Variants in FSTL5 observed in about 807,000 individuals in gnomAD.
FSTL5 encodes the protein follistatin-related protein 5.
FSTL5 carries 62 observed loss-of-function variants against 89.1 expected under a neutral mutation model. That is an observed-to-expected ratio of 0.70 (90% CI 0.57 to 0.86). The LOEUF is 0.86. FSTL5 is among the 40% of genes least tolerant of loss of function. The probability of loss-of-function intolerance (pLI) is 0.00; values close to 1 mark genes in which losing one functional copy is unlikely to be tolerated. For missense variants in FSTL5, 1,057 were observed against 1,001.6 expected (o/e 1.06, Z -0.75); for synonymous variants, 383 against 346.2 (o/e 1.11, Z -1.18).
At chr4:161,926,581 C>G (rs1273975054) in intron 3 of FSTL5, among the ~76,000 whole-genome samples, 1 of 151,658 alleles carries the variant, frequency 6.6e-6, no homozygotes, top group African/African-American at 2.4e-5. Context: ...GATTTGAGAT[C>G]AGTACCTAAT....
At chr4:162,004,546 G>A (rs1189236792) in intron 3 of FSTL5, among the ~76,000 whole-genome samples, 1 of 151,978 alleles carries the variant, frequency 6.6e-6, no homozygotes, top group Non-Finnish European at 1.5e-5. Flanking sequence ...GGTTATAACT[G>A]GCCACACCTC....
intron 4 of FSTL5, among the ~76,000 whole-genome samples, chr4:161,805,435 G>C (rs1463617039): frequency 6.6e-6 from 1 of 152,072 alleles, no homozygotes; most frequent in Non-Finnish European, 1.5e-5. Flanking sequence ...GAGGAGAATG[G>C]TATGGTAATA....
At chr4:162,108,764 T>A (rs1731325493) in intron 2 of FSTL5, among the ~76,000 whole-genome samples, 1 of 151,490 alleles carries the variant, frequency 6.6e-6, no homozygotes, top group South Asian at 2.1e-4. Context: ...TTACTTATTT[T>A]AATTATTAAC....
chr4:161,543,676 A>T (rs1479248628), intron 8 of FSTL5, among the ~76,000 whole-genome samples: 1 of 151,994 alleles, frequency 6.6e-6, no homozygotes, highest in African/African-American at 2.4e-5. Flanking sequence ...TTTTTTTCCC[A>T]ATTATTCTGG....
intron 4 of FSTL5, among the ~76,000 whole-genome samples, chr4:161,874,874 G>A (rs1398169982): frequency 6.6e-6 from 1 of 152,062 alleles, no homozygotes; most frequent in African/African-American, 2.4e-5. Context: ...GCCAGAAAGT[G>A]TTGAATATTT....
At chr4:161,561,562 CA>C (rs1223742927) in intron 8 of FSTL5, among the ~76,000 whole-genome samples, 2 of 151,160 alleles carry the variant, frequency 1.3e-5, no homozygotes, top group African/African-American at 4.9e-5. Flanking sequence ...GAGGATATTC[CA>C]AAAAACACTA....
At chr4:161,707,029 A>C (rs895054258) in intron 6 of FSTL5, among the ~76,000 whole-genome samples, 2 of 151,622 alleles carry the variant, frequency 1.3e-5, no homozygotes, top group African/African-American at 4.9e-5. Flanking sequence ...CTGTAGTTAG[A>C]GTTACAATAT....
chr4:161,607,471 ATCTG>A (rs971221759), intron 7 of FSTL5, among the ~76,000 whole-genome samples: 38 of 152,220 alleles, frequency 2.5e-4, no homozygotes, highest in Admixed American at 4.6e-4. Flanking sequence ...TATTTATGTT[ATCTG>A]TCTGTTTCTG....
chr4:161,429,322 G>A (rs1325293320), intron 15 of FSTL5, among the ~76,000 whole-genome samples: 1 of 152,148 alleles, frequency 6.6e-6, no homozygotes, highest in Non-Finnish European at 1.5e-5. Context: ...AAGCCTTGTT[G>A]GCTTTCCCAC....
chr4:162,023,130 C>G (rs1424534111), intron 3 of FSTL5, among the ~76,000 whole-genome samples: 1 of 152,068 alleles, frequency 6.6e-6, no homozygotes, highest in Non-Finnish European at 1.5e-5. Flanking sequence ...ACAAGAAAAG[C>G]TACCTGATCT....
intron 4 of FSTL5, among the ~76,000 whole-genome samples, chr4:161,841,422 C>T (rs928642334): frequency 1.3e-5 from 2 of 152,136 alleles, no homozygotes; most frequent in African/African-American, 4.8e-5. Context: ...ATTAAAATAA[C>T]TCTTCAGTCC....
At chr4:161,473,972 C>T (rs955794431) in intron 13 of FSTL5, among the ~76,000 whole-genome samples, 7 of 152,120 alleles carry the variant, frequency 4.6e-5, no homozygotes, top group African/African-American at 1.4e-4. Flanking sequence ...GATAAGAAGG[C>T]ACTTCCTTTT....
At chr4:161,909,434 C>T (rs1166060519) in intron 4 of FSTL5, among the ~76,000 whole-genome samples, 5 of 152,092 alleles carry the variant, frequency 3.3e-5, no homozygotes, top group African/African-American at 9.7e-5. Flanking sequence ...AGGACACCAC[C>T]GTGGAAGTCT....
chr4:161,912,883 A>G (rs530812413), intron 4 of FSTL5, among the ~76,000 whole-genome samples: 34 of 152,272 alleles, frequency 2.2e-4, no homozygotes, highest in African/African-American at 8.2e-4. Context: ...GTGGTCTCAG[A>G]AGGAGATAAG....
At position 161,741,941 on chromosome 4, in the gene FSTL5, C is replaced by G. The variant is rs74518863; in HGVS notation, c.727+17470G>C. 2.4e-3 allele frequency among the ~76,000 whole-genome samples: 367 copies of G among 151,926 alleles called. 4 individuals carry two copies. The highest frequency in any genetic ancestry group is 0.012 in the Admixed American group (185 of 15,262). ...AGTAGGCAAGTCCATTAAACGCAGCCTAGAGACTAGAAAGGACATGAAATA... is the reference window on the plus strand; with the variant it reads ...AGTAGGCAAGTCCATTAAACGCAGCGTAGAGACTAGAAAGGACATGAAATA... On this transcript the variant is annotated intron_variant, in intron 6 of 15. Transcript: ENST00000306100.
chr4:161,630,294 G>A (rs1735461921), intron 7 of FSTL5, among the ~76,000 whole-genome samples: 1 of 152,122 alleles, frequency 6.6e-6, no homozygotes. Context: ...CTCTCATTTA[G>A]CCTCTGGCTC....
At chr4:161,943,541 T>TC (rs1734652012) in intron 3 of FSTL5, among the ~76,000 whole-genome samples, 1 of 11,144 alleles carries the variant, frequency 9.0e-5, no homozygotes, top group South Asian at 2.3e-3. Flanking sequence ...ACTGTATCTT[T>TC]TTTTTTTTTT....
At chr4:161,808,989 C>T (rs184176666) in intron 4 of FSTL5, among the ~76,000 whole-genome samples, 253 of 152,188 alleles carry the variant, frequency 1.7e-3, no homozygotes, top group Admixed American at 2.2e-3. Context: ...GAGGCCGAGG[C>T]GGGCAGATCA....
chr4:161,493,195 C>T lies in FSTL5; in HGVS notation c.1458+6821G>A, dbSNP rs149134592. Among the ~76,000 whole-genome samples, 1,335 of 151,616 alleles carry T rather than the reference C, an allele frequency of 8.8e-3. 15 individuals are homozygous for T. Among genetic ancestry groups the T allele is most frequent in the African/African-American group, 0.03 (1,259 of 41,462 alleles). On this transcript the variant is annotated intron_variant, in intron 12 of 15. Transcript: ENST00000306100. Reference sequence around the variant, plus strand: ...AGATTTAATCATTAAAATTGTAAATCTAATCCATGAGTATGCAAAATAATT... The same window carrying T: ...AGATTTAATCATTAAAATTGTAAATTTAATCCATGAGTATGCAAAATAATT...
Sources: gnomAD v4.1 joint callset for allele counts (sites outside exome capture counted in the v4.1 genomes callset) on GRCh38, gnomAD v4.1.1 for gene constraint, MANE v1.5 for transcripts, NCBI Gene and HGNC (gene_info 2026-07-23, HGNC 2026-07-21) for gene names.